CEP128: variants seen among roughly 807,000 people sequenced by gnomAD.
The protein encoded by CEP128 is centrosomal protein 128kDa.
CEP128 carries 132 observed loss-of-function variants against 156.7 expected under a neutral mutation model. The ratio of observed to expected loss-of-function variants is 0.84; its 90% CI spans 0.73 to 0.97. The LOEUF (loss-of-function observed/expected upper bound fraction) is 0.97. CEP128 is among the 50% of genes least tolerant of loss of function. CEP128 has a pLI of 0.00. For missense variants in CEP128, 1,252 were observed against 1,281.9 expected (o/e 0.98, Z 0.36); for synonymous variants, 469 against 448.9 (o/e 1.04, Z -0.57).
At chr14:80,942,123 G>A (rs1261480470), upstream of CEP128, among the ~76,000 whole-genome samples, 1 of 152,098 alleles carries the variant, frequency 6.6e-6, no homozygotes, top group Non-Finnish European at 1.5e-5. Flanking sequence ...GGAGCGGTGG[G>A]AGGACAGGGA....
At chr14:80,636,948 T>C (rs1000968794) in intron 19 of CEP128, among the ~76,000 whole-genome samples, 1 of 151,800 alleles carries the variant, frequency 6.6e-6, no homozygotes, top group East Asian at 1.9e-4. Context: ...TAGCCAGGCG[T>C]GGTGGCACAT....
chr14:80,882,316 C>T (rs1888592489), intron 8 of CEP128, among the ~76,000 whole-genome samples: 1 of 151,890 alleles, frequency 6.6e-6, no homozygotes, highest in African/African-American at 2.4e-5. Context: ...AGCAGGCATA[C>T]AAAAAGGTCA....
In CEP128 at chr14:80,587,517, C is replaced by G. The variant is rs11625032; in HGVS notation, c.2807-7094G>C. 4.6e-5 allele frequency among the ~76,000 whole-genome samples: 7 copies of G among 152,202 alleles called. No individual in the cohort carries two copies. In the South Asian group the frequency reaches 1.5e-3, roughly 32 times the overall value. ...TGGTGAAACTTTCCACTTCGACAAC[C>G]TTAGAGATTTAAAACCACTTGCCAC... On this transcript the variant is annotated intron_variant, in intron 19 of 24. Transcript: ENST00000555265.
At chr14:80,572,992 G>A (rs976226863) in intron 20 of CEP128, among the ~76,000 whole-genome samples, 3 of 152,072 alleles carry the variant, frequency 2.0e-5, no homozygotes, top group South Asian at 2.1e-4. Flanking sequence ...GCGCGATCTC[G>A]GCTCACCGCA....
intron 20 of CEP128, among the ~76,000 whole-genome samples, chr14:80,572,810 C>T (rs929272155): frequency 1.6e-4 from 25 of 152,298 alleles, no homozygotes; most frequent in Admixed American, 3.3e-4. Context: ...TTTCTGGAAG[C>T]GTTGCTTTTC....
intron 14 of CEP128, among the ~76,000 whole-genome samples, chr14:80,789,870 T>C (rs2139830328): frequency 6.6e-6 from 1 of 152,080 alleles, no homozygotes; most frequent in African/African-American, 2.4e-5. Flanking sequence ...ATGTTTTTTT[T>C]GTTGTTGTTT....
In CEP128 at chr14:80,497,504, G is replaced by A. The variant is rs1457156523; in HGVS notation, c.3260C>T (p.Pro1087Leu). The change falls in exon 25 of 25, where the codon CCC becomes CTC. Residue 1087 changes from proline (P) to leucine (L), a missense_variant. Transcript: ENST00000555265. ...DATMNGTSSQ[P>L]KKEEYGS The stretch of plus-strand genomic sequence containing the variant: ...TTAGCTCCCATATTCCTCTTTTTTG[G>A]GTTGTGAACTTGTTCCATTCATTGT... The A allele has an allele frequency of 6.2e-7, 1 of 1,610,814 alleles. No homozygotes were observed. Among genetic ancestry groups the A allele is most frequent in the South Asian group, 1.1e-5 (1 of 90,694 alleles).
chr14:80,920,054 T>G (rs1237670743), intron 2 of CEP128, among the ~76,000 whole-genome samples: 4 of 152,184 alleles, frequency 2.6e-5, no homozygotes, highest in African/African-American at 4.8e-5. Flanking sequence ...CTAAGTAAAA[T>G]TTTTAAATCT....
chr14:80,496,637 G>C lies in CEP128; in HGVS notation c.*842C>G, dbSNP rs1002033253. The C allele has an allele frequency of 3.9e-5, 6 of 152,420 alleles. No individual in the cohort carries two copies. The East Asian group carries it at 7.7e-4, about 20-fold the overall frequency. The allele number at this position is 152,420 out of a possible 1,614,324, so 9.4% of individuals were successfully genotyped here. On this transcript the variant is annotated 3_prime_UTR_variant, in exon 25 of 25. Transcript: ENST00000555265. ...AAGGGAATACGTTCTTAGACACTTT[G>C]ATGAAAAAAGTTGGGATGGTAGAAG...
intron 19 of CEP128, among the ~76,000 whole-genome samples, chr14:80,670,888 A>AT (rs554521198): frequency 9.8e-5 from 15 of 152,328 alleles, no homozygotes; most frequent in South Asian, 2.1e-4. Flanking sequence ...GAAATGGAGG[A>AT]TTTTTTATCA....
chr14:80,932,070 T>C (rs1346166574), intron 2 of CEP128, among the ~76,000 whole-genome samples: 2 of 152,192 alleles, frequency 1.3e-5, no homozygotes, highest in African/African-American at 4.8e-5. Context: ...CAAGATCTGA[T>C]GGTTTTATAA....
At chr14:80,571,778 G>A (rs537141386) in intron 20 of CEP128, among the ~76,000 whole-genome samples, 4 of 151,232 alleles carry the variant, frequency 2.6e-5, no homozygotes, top group Non-Finnish European at 5.9e-5. Context: ...AAGAAAAAGA[G>A]GCCAGGATCC....
intron 5 of CEP128, 114 bp downstream of exon 5, chr14:80,905,841 A>C (rs1474351161): frequency 2.1e-6 from 2 of 942,024 alleles, no homozygotes; most frequent in Non-Finnish European, 3.2e-6. Context: ...TACATGTACT[A>C]TCATCCAATC....
intron 14 of CEP128, among the ~76,000 whole-genome samples, chr14:80,791,124 T>C (rs1331814458): frequency 6.6e-6 from 1 of 152,176 alleles, no homozygotes; most frequent in Non-Finnish European, 1.5e-5. Context: ...AAATTTTTTT[T>C]CCAAAATTAT....
intron 19 of CEP128, among the ~76,000 whole-genome samples, chr14:80,661,609 T>C (rs1895406537): frequency 6.6e-6 from 1 of 152,232 alleles, no homozygotes; most frequent in Non-Finnish European, 1.5e-5. Context: ...TTTACCTGTA[T>C]ACAATATAAA....
intron 19 of CEP128, among the ~76,000 whole-genome samples, chr14:80,611,158 C>T (rs1892979706): frequency 6.6e-6 from 1 of 151,420 alleles, no homozygotes; most frequent in South Asian, 2.1e-4. Flanking sequence ...TATTGAGAAC[C>T]TATTATGTTT....
At chr14:80,781,491 G>A (rs576472871) in intron 15 of CEP128, among the ~76,000 whole-genome samples, 2 of 149,842 alleles carry the variant, frequency 1.3e-5, no homozygotes, top group Non-Finnish European at 3.0e-5. Context: ...GAATGTACAT[G>A]AGTAAGGTAG....
rs1886214021 is a variant in CEP128 at position 80,838,850 on chromosome 14, G to A, written c.850-572C>T. ...CATTTAAAATTTCCTTAATGATACT[G>A]CCATTAGATAAATATCGATAAAAAA... is the stretch of plus-strand genomic sequence containing the variant. On this transcript the variant is annotated intron_variant, in intron 10 of 24. Transcript: ENST00000555265. Among the ~76,000 whole-genome samples, 2 of 152,034 alleles carry A rather than the reference G, an allele frequency of 1.3e-5. 1 individual carries two copies. Among genetic ancestry groups the A allele is most frequent in the South Asian group, 4.1e-4 (2 of 4,824 alleles).
At chr14:80,720,435 T>C (rs773152447) in intron 19 of CEP128, among the ~76,000 whole-genome samples, 12 of 152,168 alleles carry the variant, frequency 7.9e-5, no homozygotes, top group Non-Finnish European at 1.8e-4. Context: ...AGATATTGTG[T>C]CATTCCCTGC....
Sources: allele counts gnomAD v4.1 joint callset (sites outside exome capture counted in the v4.1 genomes callset), GRCh38; gene constraint gnomAD v4.1.1; transcripts MANE v1.5; gene names NCBI Gene and HGNC (gene_info 2026-07-23, HGNC 2026-07-21).